Variants in TMEM132B observed in about 807,000 individuals in gnomAD.
TMEM132B encodes the protein transmembrane protein 132B.
Under a neutral mutation model 90.8 loss-of-function variants are expected in TMEM132B, and 18 were observed. The observed-to-expected ratio is 0.20, with a 90% CI of 0.14 to 0.29. The LOEUF (loss-of-function observed/expected upper bound fraction) is 0.29, where lower values mean the gene tolerates loss of function less well. TMEM132B is among the 10% of genes least tolerant of loss of function. The pLI, the probability that TMEM132B is intolerant of heterozygous loss-of-function variation, is 1.00. For missense variants in TMEM132B, 1,096 were observed against 1,326.8 expected, an observed-to-expected ratio of 0.83 and a Z score of 2.70; for synonymous variants, 504 against 523.3, an observed-to-expected ratio of 0.96 and a Z score of 0.50.
rs1056253319 is a variant in TMEM132B, at chr12:125,314,093, T to C, written c.68-35359T>C. Among the ~76,000 whole-genome samples the C allele has an allele frequency of 3.9e-5, 6 of 152,238 alleles. No homozygotes were observed. The East Asian group carries it at 1.2e-3, about 30-fold the overall frequency. On this transcript the variant is annotated intron_variant, in intron 1 of 8. Transcript: ENST00000682704. ...GCACCTGCCTGGGCGGCGTGCGAAC[T>C]CATGTATACCTGTGTGCAGAGAGCT...
chr12:125,525,457 C>T (rs755457210), intron 4 of TMEM132B, among the ~76,000 whole-genome samples: 13 of 152,310 alleles, frequency 8.5e-5, no homozygotes, highest in Non-Finnish European at 1.6e-4. Context: ...GTCCCTTCCG[C>T]CATGCGAGGA....
intron 2 of TMEM132B, among the ~76,000 whole-genome samples, chr12:125,384,522 A>AT (rs1878772484): frequency 1.3e-5 from 2 of 152,324 alleles, no homozygotes; most frequent in South Asian, 4.1e-4. Flanking sequence ...TCACATACTT[A>AT]TTTTTTGTGG....
intron 3 of TMEM132B, among the ~76,000 whole-genome samples, chr12:125,447,840 T>C (rs895388299): frequency 2.6e-5 from 4 of 152,258 alleles, no homozygotes; most frequent in Admixed American, 6.5e-5. Context: ...CTGGCTTACA[T>C]TGTCTCTGTT....
intron 4 of TMEM132B, among the ~76,000 whole-genome samples, chr12:125,527,746 A>T (rs920159624): frequency 2.0e-5 from 3 of 151,774 alleles, no homozygotes; most frequent in Non-Finnish European, 4.4e-5. Context: ...TCACCCTTCC[A>T]TCCACCAATC....
At chr12:125,477,146 A>G (rs1881903903) in intron 3 of TMEM132B, among the ~76,000 whole-genome samples, 1 of 152,142 alleles carries the variant, frequency 6.6e-6, no homozygotes. Context: ...GCAAATGATA[A>G]TTTATGTCTT....
At chr12:125,295,806 G>C (rs1462444119) in intron 1 of TMEM132B, among the ~76,000 whole-genome samples, 1 of 152,100 alleles carries the variant, frequency 6.6e-6, no homozygotes, top group African/African-American at 2.4e-5. Context: ...TCTGTGGAAT[G>C]GGAACAAGAA....
chr12:125,584,203 G>C, intron 5 of TMEM132B: 1 of 623,474 alleles, frequency 1.6e-6, no homozygotes. Flanking sequence ...CCCTCTCCCT[G>C]GAAAGGGGAA....
chr12:125,224,215 T>A (rs1873625484), intron 1 of TMEM132B, among the ~76,000 whole-genome samples: 1 of 152,244 alleles, frequency 6.6e-6, no homozygotes, highest in East Asian at 1.9e-4. Flanking sequence ...TTCATGGACA[T>A]TTGGGTTGTT....
At chr12:125,385,249 A>G (rs1878796237) in intron 2 of TMEM132B, among the ~76,000 whole-genome samples, 1 of 152,228 alleles carries the variant, frequency 6.6e-6, no homozygotes, top group African/African-American at 2.4e-5. Context: ...GCAAGATCAA[A>G]GTTTGTTTTT....
At position 125,246,742 on chromosome 12, in the gene TMEM132B, C is replaced by T. The variant is rs1178200731; in HGVS notation, c.67+59876C>T. Among the ~76,000 whole-genome samples, 1 of 152,198 alleles carries T rather than the reference C, an allele frequency of 6.6e-6. No individual in the cohort carries two copies. Among genetic ancestry groups the T allele is most frequent in the East Asian group, 1.9e-4 (1 of 5,196 alleles). On this transcript the variant is annotated intron_variant, in intron 1 of 8. Coordinates refer to ENST00000682704, the MANE Select transcript of TMEM132B (RefSeq NM_001366854.1). This position sits in a 1 kb window ranked among gnomAD's most constrained non-coding sequence, Gnocchi z 4.2. ...TTAAATCGGAGCCGGCTTTCAGGCACCTATCTTCTCACCCTTTGTTCCTGT... is the reference window on the plus strand; with the variant it reads ...TTAAATCGGAGCCGGCTTTCAGGCATCTATCTTCTCACCCTTTGTTCCTGT...
chr12:125,537,001 A>G (rs937052751), intron 4 of TMEM132B, among the ~76,000 whole-genome samples: 4 of 152,194 alleles, frequency 2.6e-5, no homozygotes, highest in African/African-American at 9.6e-5. Context: ...TTTTAAAAAA[A>G]ATCAGAGTGT....
At chr12:125,540,231 A>G (rs927558830) in intron 4 of TMEM132B, among the ~76,000 whole-genome samples, 1 of 152,218 alleles carries the variant, frequency 6.6e-6, no homozygotes, top group East Asian at 1.9e-4. Flanking sequence ...TTTATGGTGT[A>G]GAGATAATTT....
In TMEM132B at chr12:125,240,935, G is replaced by A. The variant is rs150404009; in HGVS notation, c.67+54069G>A. 3.3e-5 allele frequency among the ~76,000 whole-genome samples: 5 copies of A among 152,346 alleles called. 1 individual carries two copies. Among genetic ancestry groups the A allele is most frequent in the African/African-American group, 1.2e-4 (5 of 41,566 alleles). On this transcript the variant is annotated intron_variant, in intron 1 of 8. Transcript: ENST00000682704. ...GCACATTTGTTGAATGAGTGATCGC[G>A]TGAGTGAACGGGTGGGCGTGAAAGT... is the stretch of plus-strand genomic sequence containing the variant.
At chr12:125,409,407 C>G (rs919874631) in intron 2 of TMEM132B, among the ~76,000 whole-genome samples, 2 of 152,164 alleles carry the variant, frequency 1.3e-5, no homozygotes, top group African/African-American at 2.4e-5. Flanking sequence ...AGCCCTGTCC[C>G]GTGAGGAGGC....
intron 1 of TMEM132B, among the ~76,000 whole-genome samples, chr12:125,256,092 C>G (rs1874433147): frequency 6.6e-6 from 1 of 152,070 alleles, no homozygotes; most frequent in Non-Finnish European, 1.5e-5. Flanking sequence ...TGTCCTGGCC[C>G]CTGTCATCAA....
intron 1 of TMEM132B, among the ~76,000 whole-genome samples, chr12:125,340,258 C>A (rs1242148248): frequency 6.6e-6 from 1 of 152,086 alleles, no homozygotes; most frequent in East Asian, 1.9e-4. Context: ...CACCCTGACA[C>A]AAAGCATTCG....
intron 2 of TMEM132B, among the ~76,000 whole-genome samples, chr12:125,360,660 G>C (rs1192484729): frequency 2.0e-5 from 3 of 152,112 alleles, no homozygotes; most frequent in African/African-American, 7.2e-5. Context: ...CTGTGGGTAG[G>C]AAGTGACATC....
intron 4 of TMEM132B, among the ~76,000 whole-genome samples, chr12:125,530,179 T>A (rs1223132507): frequency 6.6e-6 from 1 of 152,210 alleles, no homozygotes; most frequent in African/African-American, 2.4e-5. Flanking sequence ...CTAATATGAA[T>A]AGAGCTTAAT....
chr12:125,361,765 C>G (rs1308908571), intron 2 of TMEM132B, among the ~76,000 whole-genome samples: 1 of 152,222 alleles, frequency 6.6e-6, no homozygotes, highest in East Asian at 1.9e-4. Context: ...GCTTACCCCC[C>G]AAATCTGCCT....
Sources: allele counts gnomAD v4.1 joint callset (sites outside exome capture counted in the v4.1 genomes callset), GRCh38; gene constraint gnomAD v4.1.1; non-coding constraint Gnocchi (gnomAD v3.1); transcripts MANE v1.5; gene names NCBI Gene and HGNC (gene_info 2026-07-23, HGNC 2026-07-21).